The following ROBO2 variants were observed in gnomAD, a reference collection of about 807,000 sequenced individuals.
ROBO2 encodes roundabout guidance receptor 2.
A neutral mutation model predicts 160.8 loss-of-function variants in ROBO2; 53 were observed. The observed-to-expected ratio is 0.33, with a 90% CI of 0.26 to 0.41. ROBO2 has a LOEUF of 0.41. Among genes scored for constraint, ROBO2 ranks in the 10% least tolerant of loss-of-function variants. The pLI is 1.00. For missense variants in ROBO2, 1,577 were observed against 1,722.4 expected (o/e 0.92, Z 1.49); for synonymous variants, 664 against 611.7 (o/e 1.09, Z -1.26).
chr3:75,943,689 T>G (rs796770424), intron 2 of ROBO2, among the ~76,000 whole-genome samples: 5 of 152,042 alleles, frequency 3.3e-5, no homozygotes, highest in East Asian at 3.9e-4. Context: ...GATATTCTTT[T>G]TTTGTTTGTT....
chr3:76,323,175 A>ACACACACACACACACACC (rs752990413), intron 2 of ROBO2, among the ~76,000 whole-genome samples: 11 of 145,604 alleles, frequency 7.6e-5, no homozygotes, highest in Admixed American at 5.5e-4. Context: ...ACACACACAC[A>ACACACACACACACACACC]CCCCTAAAGG....
At chr3:76,640,573 A>ATAAATAAG (rs2090612187) in intron 2 of ROBO2, among the ~76,000 whole-genome samples, 1 of 100,362 alleles carries the variant, frequency 1.0e-5, no homozygotes, top group African/African-American at 3.3e-5. Flanking sequence ...AAATAAATAA[A>ATAAATAAG]TATCAATGCG....
rs113272841 is a variant in ROBO2, at chr3:76,962,570, G to A, written c.110-135444G>A. Reference sequence around the variant, plus strand: ...GGAGAATCACTTGAACCTAGGAGGCGGAGGTTGTGGTGAGCCAAGATCGTG... The same window carrying A: ...GGAGAATCACTTGAACCTAGGAGGCAGAGGTTGTGGTGAGCCAAGATCGTG... On this transcript the variant is annotated intron_variant, in intron 2 of 26. Transcript: ENST00000487694. 6.6e-3 allele frequency among the ~76,000 whole-genome samples: 1,004 copies of A among 151,554 alleles called. 9 individuals are homozygous for A. The highest frequency in any genetic ancestry group is 0.023 in the African/African-American group (932 of 41,236).
At chr3:76,781,362 A>G (rs2062633772) in intron 2 of ROBO2, among the ~76,000 whole-genome samples, 1 of 150,698 alleles carries the variant, frequency 6.6e-6, no homozygotes, top group South Asian at 2.1e-4. Context: ...AGAAAGAGAC[A>G]ATTCTACTTC....
At chr3:77,125,733 C>T (rs2075256670) in intron 2 of ROBO2, among the ~76,000 whole-genome samples, 1 of 151,942 alleles carries the variant, frequency 6.6e-6, no homozygotes. Flanking sequence ...AGGTATTTAC[C>T]AGTTATTTAG....
chr3:77,373,957 G>T (rs1581441955), intron 2 of ROBO2, among the ~76,000 whole-genome samples: 4 of 150,640 alleles, frequency 2.7e-5, no homozygotes, highest in Admixed American at 2.0e-4. Flanking sequence ...AGGATCACCT[G>T]AGGTCAGGAG....
At chr3:77,542,990 T>C (rs2092542025) in intron 6 of ROBO2, among the ~76,000 whole-genome samples, 1 of 152,230 alleles carries the variant, frequency 6.6e-6, no homozygotes. Flanking sequence ...AGATTTCTTT[T>C]ATTCTCAGAA....
chr3:76,028,170 C>T (rs1489248195), intron 2 of ROBO2, among the ~76,000 whole-genome samples: 1 of 151,742 alleles, frequency 6.6e-6, no homozygotes, highest in Non-Finnish European at 1.5e-5. Flanking sequence ...GAAATCCAAA[C>T]ATAAGCACAA....
intron 2 of ROBO2, among the ~76,000 whole-genome samples, chr3:76,384,576 C>T (rs1452428450): frequency 2.0e-5 from 3 of 152,162 alleles, no homozygotes; most frequent in African/African-American, 7.2e-5. Context: ...CTGCCCAAGA[C>T]TGGGTAATTT....
At chr3:77,507,044 G>A (rs747492633) in intron 5 of ROBO2, among the ~76,000 whole-genome samples, 7 of 152,000 alleles carry the variant, frequency 4.6e-5, no homozygotes, top group Non-Finnish European at 8.8e-5. Flanking sequence ...CATATTCCTT[G>A]CACATCAGAT....
Position 76,572,374 on chromosome 3 carries a change from T to A in ROBO2, c.110-525640T>A, listed in dbSNP as rs536835059. Among the ~76,000 whole-genome samples the A allele has an allele frequency of 7.8e-4, 118 of 152,218 alleles. 1 individual carries two copies. The highest frequency in any genetic ancestry group is 2.7e-3 in the African/African-American group (113 of 41,534). ...GGTAGGGTGGTTGTTTTTCTCTTCCTTTTTTGTTTTTGTCTTTGTTTGTTT... is the reference window on the plus strand; with the variant it reads ...GGTAGGGTGGTTGTTTTTCTCTTCCATTTTTGTTTTTGTCTTTGTTTGTTT... On this transcript the variant is annotated intron_variant, in intron 2 of 26. Transcript: ENST00000487694.
chr3:76,343,823 T>G (rs1362397569), intron 2 of ROBO2, among the ~76,000 whole-genome samples: 1 of 152,052 alleles, frequency 6.6e-6, no homozygotes, highest in African/African-American at 2.4e-5. Flanking sequence ...CCTTGTAGCC[T>G]CCAAAGATAT....
chr3:76,911,428 G>T (rs2075986506), intron 2 of ROBO2, among the ~76,000 whole-genome samples: 1 of 152,174 alleles, frequency 6.6e-6, no homozygotes, highest in Admixed American at 6.5e-5. Flanking sequence ...GGAAGTTACT[G>T]TTGGGTTTAT....
chr3:77,123,141 A>G (rs552280733), intron 2 of ROBO2, among the ~76,000 whole-genome samples: 12 of 152,366 alleles, frequency 7.9e-5, no homozygotes, highest in African/African-American at 2.9e-4. Context: ...AATGTTAATC[A>G]GTTGATTTTC....
At chr3:76,124,686 T>G (rs2108305230) in intron 2 of ROBO2, among the ~76,000 whole-genome samples, 1 of 152,246 alleles carries the variant, frequency 6.6e-6, no homozygotes, top group Non-Finnish European at 1.5e-5. Context: ...GGTAATTCAA[T>G]AAAGTTACAA....
Position 77,602,207 on chromosome 3 carries a change from C to T in ROBO2, c.2855-3C>T, listed in dbSNP as rs2094442785. Reference sequence around the variant, plus strand: ...TTGTTTCATTTCCCTATGTTCACCACAGATGTGCTGCCACCAGTTCCAGGC... The same window carrying T: ...TTGTTTCATTTCCCTATGTTCACCATAGATGTGCTGCCACCAGTTCCAGGC... On this transcript the variant is annotated splice_region_variant and splice_polypyrimidine_tract_variant and intron_variant, in intron 19 of 25. Coordinates refer to ENST00000461745, the Ensembl canonical transcript of ROBO2. The T allele has an allele frequency of 6.2e-7, 1 of 1,614,154 alleles. No homozygotes were observed. The highest frequency in any genetic ancestry group is 8.5e-7 in the Non-Finnish European group (1 of 1,180,000).
At chr3:77,529,750 A>G (rs995035403) in intron 6 of ROBO2, among the ~76,000 whole-genome samples, 4 of 151,884 alleles carry the variant, frequency 2.6e-5, no homozygotes, top group African/African-American at 9.7e-5. Flanking sequence ...GACACATTGT[A>G]CTTTATTCTG....
intron 2 of ROBO2, among the ~76,000 whole-genome samples, chr3:77,380,210 T>C (rs1393489608): frequency 1.3e-5 from 2 of 152,358 alleles, no homozygotes; most frequent in East Asian, 3.9e-4. Context: ...CAAAGCAGAA[T>C]ATCTTGCTTT....
intron 2 of ROBO2, among the ~76,000 whole-genome samples, chr3:77,310,650 A>G (rs2063466822): frequency 6.6e-6 from 1 of 152,152 alleles, no homozygotes. Context: ...ATTAAATGGT[A>G]TGGTGCAAAG....
Sources: allele counts gnomAD v4.1 joint callset (sites outside exome capture counted in the v4.1 genomes callset), GRCh38; gene constraint gnomAD v4.1.1; transcripts MANE v1.5; gene names NCBI Gene and HGNC (gene_info 2026-07-23, HGNC 2026-07-21).